NKAIN2: variants seen among roughly 807,000 people sequenced by gnomAD.
The protein encoded by NKAIN2 is sodium/potassium-transporting ATPase subunit beta-1-interacting protein 2.
NKAIN2 carries 14 observed loss-of-function variants against 32.6 expected under a neutral mutation model. The observed-to-expected ratio is 0.43, with a 90% CI of 0.28 to 0.67. The LOEUF is 0.67. Ranked by LOEUF, NKAIN2 falls within the 30% of genes least tolerant of loss-of-function variation. The pLI, the probability that NKAIN2 is intolerant of heterozygous loss-of-function variation, is 0.17. For synonymous variants in NKAIN2, 80 were observed against 87.2 expected, an observed-to-expected ratio of 0.92 and a Z score of 0.46; for missense variants, 198 against 258.3, an observed-to-expected ratio of 0.77 and a Z score of 1.60.
intron 3 of NKAIN2, among the ~76,000 whole-genome samples, chr6:124,567,262 G>A (rs777818284): frequency 2.0e-5 from 3 of 152,162 alleles, no homozygotes; most frequent in Non-Finnish European, 4.4e-5. Flanking sequence ...CGGCACACAG[G>A]ACGCATGACT....
intron 1 of NKAIN2, among the ~76,000 whole-genome samples, chr6:124,132,509 A>G (rs1786529858): frequency 6.6e-6 from 1 of 152,212 alleles, no homozygotes; most frequent in African/African-American, 2.4e-5. Context: ...AACTCAGGCC[A>G]TTACAGCAAC....
intron 3 of NKAIN2, among the ~76,000 whole-genome samples, chr6:124,444,910 A>T (rs1288511006): frequency 2.6e-5 from 4 of 152,028 alleles, no homozygotes; most frequent in Non-Finnish European, 5.9e-5. Flanking sequence ...GTATGTACAG[A>T]ATTTAGAATA....
At chr6:124,302,927 A>G (rs1490253544) in intron 2 of NKAIN2, among the ~76,000 whole-genome samples, 1 of 152,208 alleles carries the variant, frequency 6.6e-6, no homozygotes, top group Non-Finnish European at 1.5e-5. Context: ...AGAGCATACC[A>G]TATTTAGAAG....
intron 1 of NKAIN2, among the ~76,000 whole-genome samples, chr6:124,248,853 C>T (rs1041595954): frequency 2.6e-5 from 4 of 152,126 alleles, no homozygotes; most frequent in African/African-American, 9.6e-5. Flanking sequence ...AGTGTGCTAA[C>T]ACAGGATAAG....
chr6:124,114,236 T>C lies in NKAIN2; in HGVS notation c.55-168769T>C, dbSNP rs571700277. 8.8e-4 allele frequency among the ~76,000 whole-genome samples: 134 copies of C among 152,238 alleles called. 1 individual carries two copies. Among genetic ancestry groups the C allele is most frequent in the African/African-American group, 3.1e-3 (127 of 41,564 alleles). ...GAGGTCTTAATTAGCATTTTCTGGA[T>C]TTATTTTTTATGGACATTGAGTAGG... On this transcript the variant is annotated intron_variant, in intron 1 of 6. Transcript: ENST00000368417.
intron 1 of NKAIN2, among the ~76,000 whole-genome samples, chr6:123,940,733 G>A (rs937152638): frequency 1.2e-4 from 18 of 152,008 alleles, no homozygotes; most frequent in Admixed American, 1.1e-3. Context: ...AGGACTGGAC[G>A]TTGCTTTGAG....
intron 1 of NKAIN2, among the ~76,000 whole-genome samples, chr6:124,198,158 T>G (rs1228287079): frequency 2.0e-5 from 3 of 152,074 alleles, no homozygotes; most frequent in Admixed American, 2.0e-4. Context: ...TTTTGCCATG[T>G]ACCACGTGAA....
intron 1 of NKAIN2, among the ~76,000 whole-genome samples, chr6:123,848,252 G>A (rs1032097749): frequency 6.6e-6 from 1 of 152,140 alleles, no homozygotes; most frequent in Non-Finnish European, 1.5e-5. Flanking sequence ...CAAGGATGAA[G>A]GGATGAAGAA....
In NKAIN2 at chr6:124,075,633, T is replaced by G. The variant is rs534576531; in HGVS notation, c.55-207372T>G. Reference sequence around the variant, plus strand: ...TATTTAGAGACGGAGTCTTGATGTGTTGGCCAGCCTGGAATGCAGTGGCGT... The same window carrying G: ...TATTTAGAGACGGAGTCTTGATGTGGTGGCCAGCCTGGAATGCAGTGGCGT... On this transcript the variant is annotated intron_variant, in intron 1 of 6. Coordinates refer to ENST00000368417, the MANE Select transcript of NKAIN2 (RefSeq NM_001040214.3). Among the ~76,000 whole-genome samples the G allele has an allele frequency of 8.5e-5, 13 of 152,300 alleles. No homozygotes were observed. The East Asian group carries it at 2.5e-3, about 29-fold the overall frequency.
chr6:123,986,834 T>G (rs553033399), intron 1 of NKAIN2, among the ~76,000 whole-genome samples: 3 of 152,170 alleles, frequency 2.0e-5, no homozygotes, highest in South Asian at 2.1e-4. Context: ...TCCAAAGATT[T>G]GAGTCAAGAA....
intron 4 of NKAIN2, among the ~76,000 whole-genome samples, chr6:124,760,745 G>A (rs142330078): frequency 6.6e-6 from 1 of 152,214 alleles, no homozygotes; most frequent in African/African-American, 2.4e-5. Context: ...TTAGAAAGCT[G>A]TTTGAGGCTG....
At chr6:123,835,011 T>A (rs902524257) in intron 1 of NKAIN2, among the ~76,000 whole-genome samples, 9 of 149,992 alleles carry the variant, frequency 6.0e-5, no homozygotes, top group African/African-American at 2.2e-4. Flanking sequence ...TCATGAGAGA[T>A]CTTAGTCTTT....
chr6:124,757,708 T>C (rs561097414), intron 4 of NKAIN2, among the ~76,000 whole-genome samples: 1 of 152,318 alleles, frequency 6.6e-6, no homozygotes, highest in South Asian at 2.1e-4. Context: ...TGGAGCTTCC[T>C]GAGACATGTA....
intron 1 of NKAIN2, among the ~76,000 whole-genome samples, chr6:123,969,989 A>C (rs1778262775): frequency 6.6e-6 from 1 of 152,244 alleles, no homozygotes; most frequent in South Asian, 2.1e-4. Flanking sequence ...GTCTTAGGAC[A>C]AATGCATAAA....
chr6:124,739,624 A>T (rs1777109488), intron 4 of NKAIN2, among the ~76,000 whole-genome samples: 1 of 151,858 alleles, frequency 6.6e-6, no homozygotes, highest in African/African-American at 2.4e-5. Flanking sequence ...CATGTGGCTT[A>T]GTTGACTGGG....
chr6:124,387,617 T>C (rs1316417763), intron 3 of NKAIN2, among the ~76,000 whole-genome samples: 3 of 152,114 alleles, frequency 2.0e-5, no homozygotes, highest in Non-Finnish European at 4.4e-5. Context: ...ATAGCTTTTG[T>C]GTTTGCAAAA....
rs753041692 is a variant in NKAIN2, at chr6:124,658,242, G to A, written c.330G>A (p.Glu110=). ...CAATGCACCGATCTTGGTGGATGGA[G>A]AATGGACCAGGATGTACGGTGACGT... The part of the protein sequence containing the change: ...NISMHRSWWM[E]NGPGCTVTSV... The change falls in exon 4 of 7, where the codon GAG becomes GAA. Residue 110 remains glutamate (E), a synonymous_variant. Transcript: ENST00000368417. 6.2e-7 allele frequency: 1 copy of A among 1,613,884 alleles called. No individual in the cohort carries two copies. The highest frequency in any genetic ancestry group is 8.5e-7 in the Non-Finnish European group (1 of 1,179,952).
chr6:124,669,540 A>T (rs1409442704), intron 4 of NKAIN2, among the ~76,000 whole-genome samples: 1 of 152,006 alleles, frequency 6.6e-6, no homozygotes, highest in Admixed American at 6.6e-5. Context: ...GCCCATGTGG[A>T]TATTTGCGGA....
intron 1 of NKAIN2, among the ~76,000 whole-genome samples, chr6:124,027,590 C>T (rs947431211): frequency 1.3e-5 from 2 of 152,182 alleles, no homozygotes; most frequent in Non-Finnish European, 2.9e-5. Flanking sequence ...ATCATTTACA[C>T]ATCCTGTAGT....
Sources: allele counts gnomAD v4.1 joint callset (sites outside exome capture counted in the v4.1 genomes callset), GRCh38; gene constraint gnomAD v4.1.1; transcripts MANE v1.5; gene names NCBI Gene and HGNC (gene_info 2026-07-23, HGNC 2026-07-21).